The following CASZ1 variants were observed in gnomAD, a reference collection of about 807,000 sequenced individuals.
The protein encoded by CASZ1 is castor zinc finger 1.
In CASZ1, 28 loss-of-function variants were observed where a neutral mutation model predicts 135.2. The ratio of observed to expected loss-of-function variants is 0.21; its 90% confidence interval spans 0.15 to 0.28. The LOEUF is 0.28. Among genes scored for constraint, CASZ1 ranks in the 10% least tolerant of loss-of-function variants. The pLI is 1.00. For synonymous variants in CASZ1, 1,068 were observed against 1,073.4 expected (o/e 0.99, Z 0.10); for missense variants, 2,161 against 2,453.3 (o/e 0.88, Z 2.52).
intron 1 of CASZ1, among the ~76,000 whole-genome samples, chr1:10,782,030 A>C (rs1570588337): frequency 6.6e-6 from 1 of 151,888 alleles, no homozygotes; most frequent in East Asian, 1.9e-4. Flanking sequence ...GGGCACAGAC[A>C]CCCCCCAGGA....
chr1:10,659,737 T>A lies in CASZ1; in HGVS notation c.1305A>T (p.Thr435=). The A allele has an allele frequency of 1.2e-6, 2 of 1,613,936 alleles. No homozygotes were observed. The highest frequency in any genetic ancestry group is 1.7e-6 in the Non-Finnish European group (2 of 1,179,908). The change falls in exon 6 of 21, where the codon ACA becomes ACT. Residue 435 remains threonine (T), a synonymous_variant. Coordinates refer to ENST00000377022, the MANE Select transcript of CASZ1 (RefSeq NM_001079843.3). ...PEYLKSTFSK[T]DSITTGTVST... The stretch of plus-strand genomic sequence containing the variant: ...AGACGGTCCCCGTGGTGATGGAGTC[T>A]GTTTTGGAGAAGGTTGACTTCAGGT...
intron 4 of CASZ1, among the ~76,000 whole-genome samples, chr1:10,683,055 T>C (rs1250815095): frequency 6.6e-6 from 1 of 152,232 alleles, no homozygotes; most frequent in East Asian, 1.9e-4. Context: ...CACCAATCTG[T>C]CTGCTTAAAC....
In CASZ1 at chr1:10,666,574, G is replaced by A. The variant is rs1378209591; in HGVS notation, c.17-1003C>T. ...GGTCCCTCACGGAACGCCCCGAAGC[G>A]CCGGTCACAGCACCTAATCCCCGAA... On this transcript the variant is annotated intron_variant, in intron 4 of 20. Transcript: ENST00000377022. This position sits in a 1 kb window ranked among gnomAD's most constrained non-coding sequence, Gnocchi z 5.2. Among the ~76,000 whole-genome samples, 1 of 152,164 alleles carries A rather than the reference G, an allele frequency of 6.6e-6. No homozygotes were observed. Among genetic ancestry groups the A allele is most frequent in the Non-Finnish European group, 1.5e-5 (1 of 68,024 alleles).
In CASZ1 at chr1:10,676,870, C is replaced by T. The variant is rs894712829; in HGVS notation, c.17-11299G>A. On this transcript the variant is annotated intron_variant, in intron 4 of 20. Transcript: ENST00000377022. The surrounding 1 kb of genome is among the most constrained non-coding windows in gnomAD (Gnocchi z 4.5). ...CCGGGATCTAGGTCCTGGCAGCTGGCGGGTATCAAGGGCATGCACTCTGTC... is the reference window on the plus strand; with the variant it reads ...CCGGGATCTAGGTCCTGGCAGCTGGTGGGTATCAAGGGCATGCACTCTGTC... 6.6e-6 allele frequency among the ~76,000 whole-genome samples: 1 copy of T among 152,210 alleles called. No individual in the cohort carries two copies. Among genetic ancestry groups the T allele is most frequent in the African/African-American group, 2.4e-5 (1 of 41,454 alleles).
chr1:10,705,604 C>T (rs79944640), intron 2 of CASZ1, 60 bp from the exon 3 acceptor site: 5,208 of 152,416 alleles, frequency 0.034, 263 homozygotes, highest in East Asian at 0.18. Context: ...CCCCAGTGCA[C>T]GCCCTCCATC....
At chr1:10,671,250 AAG>A (rs149872714) in intron 4 of CASZ1, among the ~76,000 whole-genome samples, 5,902 of 152,262 alleles carry the variant, frequency 0.039, 147 homozygotes, top group South Asian at 0.1. Context: ...GGGGAGAAAA[AAG>A]AGAGTTACCA....
chr1:10,785,533 C>T (rs963749913), intron 1 of CASZ1, among the ~76,000 whole-genome samples: 6 of 152,212 alleles, frequency 3.9e-5, no homozygotes, highest in Non-Finnish European at 7.3e-5. Flanking sequence ...CCCCGCTTCA[C>T]GGCCTCATGC....
intron 4 of CASZ1, among the ~76,000 whole-genome samples, chr1:10,672,039 G>A (rs1400397090): frequency 3.9e-5 from 6 of 152,158 alleles, no homozygotes; most frequent in South Asian, 2.1e-4. Context: ...TCCCAGAGAC[G>A]GACATGGGCA....
At chr1:10,656,981 C>A (rs900623096) in intron 7 of CASZ1, among the ~76,000 whole-genome samples, 2 of 152,174 alleles carry the variant, frequency 1.3e-5, no homozygotes, top group Non-Finnish European at 2.9e-5. Flanking sequence ...TAGGGGGAGA[C>A]AGATGGGGCC....
At chr1:10,681,612 A>C (rs578554) in intron 4 of CASZ1, among the ~76,000 whole-genome samples, 74,673 of 152,158 alleles carry the variant, frequency 0.49, 18,975 homozygotes, top group Non-Finnish European at 0.5. Context: ...GTTTAATTAG[A>C]CCTCTGCCTC....
At position 10,741,249 on chromosome 1, in the gene CASZ1, T is replaced by C. The variant is rs1404339959; in HGVS notation, c.-77+19452A>G. Among the ~76,000 whole-genome samples, 1 of 152,196 alleles carries C rather than the reference T, an allele frequency of 6.6e-6. No individual in the cohort carries two copies. The highest frequency in any genetic ancestry group is 6.5e-5 in the Admixed American group (1 of 15,282). On this transcript the variant is annotated intron_variant, in intron 2 of 20. Transcript: ENST00000377022. This position sits in a 1 kb window ranked among gnomAD's most constrained non-coding sequence, Gnocchi z 5.0. ...CCACCCACCTCAGCTTCCCAAAGTGTTGGGATTACAGGCGTGAGCCACTGC... is the reference window on the plus strand; with the variant it reads ...CCACCCACCTCAGCTTCCCAAAGTGCTGGGATTACAGGCGTGAGCCACTGC...
chr1:10,754,973 TC>T (rs1640222788), intron 2 of CASZ1, among the ~76,000 whole-genome samples: 2 of 152,024 alleles, frequency 1.3e-5, no homozygotes, highest in Admixed American at 1.3e-4. Flanking sequence ...GCCACGGGGG[TC>T]CCAACCCAGC....
At chr1:10,693,013 C>T (rs553811862) in intron 4 of CASZ1, among the ~76,000 whole-genome samples, 61 of 152,250 alleles carry the variant, frequency 4.0e-4, no homozygotes, top group Non-Finnish European at 7.8e-4. Context: ...ATGGGAAGCC[C>T]GCAAGAGCTG....
intron 20 of CASZ1, among the ~76,000 whole-genome samples, chr1:10,642,528 G>T (rs1441708432): frequency 3.3e-5 from 5 of 152,054 alleles, no homozygotes; most frequent in African/African-American, 1.2e-4. Flanking sequence ...CACGTGGGCA[G>T]GTGTGCCGGG....
intron 2 of CASZ1, among the ~76,000 whole-genome samples, chr1:10,712,332 G>A (rs1391924868): frequency 6.6e-6 from 1 of 152,170 alleles, no homozygotes; most frequent in Admixed American, 6.5e-5. Flanking sequence ...GAAGACAAGA[G>A]TGAGACTCTG....
chr1:10,746,111 C>T (rs571415377), intron 2 of CASZ1, among the ~76,000 whole-genome samples: 12 of 152,346 alleles, frequency 7.9e-5, no homozygotes, highest in African/African-American at 2.6e-4. Flanking sequence ...ATAGAGTGGC[C>T]TCGAGGCAGG....
chr1:10,673,895 C>T (rs141213664), intron 4 of CASZ1, among the ~76,000 whole-genome samples: 10 of 152,194 alleles, frequency 6.6e-5, no homozygotes, highest in Non-Finnish European at 1.5e-4. Flanking sequence ...GGGTCTTGCC[C>T]TCCTTGCCCT....
At chr1:10,787,141 C>T (rs1407794138) in intron 1 of CASZ1, among the ~76,000 whole-genome samples, 2 of 152,206 alleles carry the variant, frequency 1.3e-5, no homozygotes, top group Non-Finnish European at 2.9e-5. Context: ...GTGGTACGGT[C>T]AGAGGCCATT....
In CASZ1 at chr1:10,687,837, A is replaced by G. The variant is rs78362700; in HGVS notation, c.16+6037T>C. Among the ~76,000 whole-genome samples, 855 of 152,216 alleles carry G rather than the reference A, an allele frequency of 5.6e-3. 12 individuals carry two copies. The highest frequency in any genetic ancestry group is 0.02 in the African/African-American group (811 of 41,528). On this transcript the variant is annotated intron_variant, in intron 4 of 20. Coordinates refer to ENST00000377022, the MANE Select transcript of CASZ1 (RefSeq NM_001079843.3). ...TTCAACCATCAACACTCCTGTCTTT[A>G]TCCTTAGGGCTTCCCTGCCCCTTTC... is the stretch of plus-strand genomic sequence containing the variant.
Sources: allele counts gnomAD v4.1 joint callset (sites outside exome capture counted in the v4.1 genomes callset), GRCh38; gene constraint gnomAD v4.1.1; non-coding constraint Gnocchi (gnomAD v3.1); transcripts MANE v1.5; gene names NCBI Gene and HGNC (gene_info 2026-07-23, HGNC 2026-07-21).